EBF1: variants seen among roughly 807,000 people sequenced by gnomAD.
EBF1 encodes the protein transcription factor COE1.
A neutral mutation model predicts 68.4 loss-of-function variants in EBF1; 10 were observed. The ratio of observed to expected loss-of-function variants is 0.15; its 90% CI spans 0.09 to 0.25. The LOEUF (loss-of-function observed/expected upper bound fraction) is 0.25, where lower values mean the gene tolerates loss of function less well. EBF1 is among the 10% of genes least tolerant of loss of function. The pLI, the probability that EBF1 is intolerant of heterozygous loss-of-function variation, is 1.00. For synonymous variants in EBF1, 298 were observed against 299.8 expected (o/e 0.99, Z 0.06); for missense variants, 509 against 794.4 (o/e 0.64, Z 4.32).
At chr5:158,735,131 A>G (rs986237645) in intron 10 of EBF1, among the ~76,000 whole-genome samples, 5 of 152,178 alleles carry the variant, frequency 3.3e-5, no homozygotes, top group African/African-American at 1.2e-4. Context: ...ACAACATCAT[A>G]AGCCCTTTAA....
chr5:158,770,585 C>T (rs1773666145), intron 10 of EBF1, among the ~76,000 whole-genome samples: 1 of 152,100 alleles, frequency 6.6e-6, no homozygotes, highest in Non-Finnish European at 1.5e-5. Context: ...TCACAGTTCT[C>T]CTCCTCCCTC....
intron 6 of EBF1, among the ~76,000 whole-genome samples, chr5:159,038,568 A>G (rs1770565156): frequency 6.6e-6 from 1 of 152,196 alleles, no homozygotes; most frequent in African/African-American, 2.4e-5. Context: ...AAGCAAACAC[A>G]CATTAACTTA....
chr5:159,091,760 G>C (rs7442845), intron 4 of EBF1, among the ~76,000 whole-genome samples: 48,292 of 151,922 alleles, frequency 0.32, 7,968 homozygotes, highest in African/African-American at 0.36. Flanking sequence ...AGTCTAGCTG[G>C]GAAGAGAAAC....
intron 6 of EBF1, among the ~76,000 whole-genome samples, chr5:158,909,196 A>G (rs1435970079): frequency 6.6e-6 from 1 of 152,222 alleles, no homozygotes; most frequent in Non-Finnish European, 1.5e-5. Flanking sequence ...AGGTGTTACA[A>G]ACTGCACTGA....
At chr5:158,997,954 C>T (rs1391566429) in intron 6 of EBF1, among the ~76,000 whole-genome samples, 1 of 152,180 alleles carries the variant, frequency 6.6e-6, no homozygotes, top group Non-Finnish European at 1.5e-5. Flanking sequence ...GTTCTCTCTA[C>T]TGTAAATGGC....
At chr5:158,859,399 G>A (rs533823899) in intron 6 of EBF1, among the ~76,000 whole-genome samples, 7 of 152,188 alleles carry the variant, frequency 4.6e-5, no homozygotes, top group South Asian at 2.1e-4. Flanking sequence ...TTTCCCATTC[G>A]GAGTTGATAT....
chr5:158,965,828 T>C (rs1334630568), intron 6 of EBF1, among the ~76,000 whole-genome samples: 1 of 152,230 alleles, frequency 6.6e-6, no homozygotes, highest in East Asian at 1.9e-4. Flanking sequence ...GTAACGTCCT[T>C]TAAGAAGATC....
At chr5:158,924,463 C>T (rs1331248439) in intron 6 of EBF1, among the ~76,000 whole-genome samples, 1 of 152,176 alleles carries the variant, frequency 6.6e-6, no homozygotes, top group Non-Finnish European at 1.5e-5. Context: ...GAGGGCAAAT[C>T]CTTCTCTCCC....
At chr5:159,076,207 G>A (rs193182473) in intron 5 of EBF1, among the ~76,000 whole-genome samples, 2 of 152,232 alleles carry the variant, frequency 1.3e-5, no homozygotes, top group East Asian at 3.9e-4. Flanking sequence ...GTGGCATAAG[G>A]CCTGGGGTAG....
chr5:158,842,199 C>T (rs556980481), intron 6 of EBF1, among the ~76,000 whole-genome samples: 1 of 152,314 alleles, frequency 6.6e-6, no homozygotes, highest in African/African-American at 2.4e-5. Flanking sequence ...TCCTAAGTGC[C>T]TTTGCACTGT....
chr5:159,096,953 G>A (rs1584598808), intron 2 of EBF1, 21 bp downstream of exon 2: 3 of 1,611,680 alleles, frequency 1.9e-6, no homozygotes, highest in South Asian at 1.1e-5. Context: ...GACGAGGGGC[G>A]ACAGCGCTGC....
intron 8 of EBF1, among the ~76,000 whole-genome samples, chr5:158,806,882 T>C (rs563065173): frequency 2.8e-4 from 42 of 152,260 alleles, no homozygotes; most frequent in African/African-American, 9.9e-4. Flanking sequence ...GACTGGATGT[T>C]TGATCCCATT....
chr5:158,761,271 A>G (rs1771382257), intron 10 of EBF1, among the ~76,000 whole-genome samples: 1 of 152,232 alleles, frequency 6.6e-6, no homozygotes, highest in Admixed American at 6.5e-5. Flanking sequence ...CTAAGTGTTT[A>G]AAACATCAGC....
At chr5:158,978,419 T>A (rs1339668224) in intron 6 of EBF1, among the ~76,000 whole-genome samples, 1 of 152,220 alleles carries the variant, frequency 6.6e-6, no homozygotes, top group African/African-American at 2.4e-5. Context: ...TATTTATTTA[T>A]TTTTTTGGAT....
chr5:158,831,933 C>A (rs930428559), intron 7 of EBF1, among the ~76,000 whole-genome samples: 1 of 152,082 alleles, frequency 6.6e-6, no homozygotes, highest in African/African-American at 2.4e-5. Flanking sequence ...TGAAGGAAGG[C>A]CAATGTGCTT....
intron 6 of EBF1, among the ~76,000 whole-genome samples, chr5:158,910,194 G>T (rs1438504728): frequency 1.3e-5 from 2 of 152,116 alleles, no homozygotes; most frequent in Non-Finnish European, 2.9e-5. Context: ...GGTCCTCAGT[G>T]TCCCAATCTG....
At chr5:158,957,165 A>G (rs1014704372) in intron 6 of EBF1, among the ~76,000 whole-genome samples, 2 of 152,202 alleles carry the variant, frequency 1.3e-5, no homozygotes, top group African/African-American at 4.8e-5. Flanking sequence ...TGAGATAGAC[A>G]TTATTATCCC....
At chr5:158,811,858 C>T (rs1056500476) in intron 8 of EBF1, among the ~76,000 whole-genome samples, 8 of 152,214 alleles carry the variant, frequency 5.3e-5, no homozygotes, top group African/African-American at 1.7e-4. Flanking sequence ...CCTACAGCTT[C>T]TAATGTTTTA....
chr5:158,712,290 C>A lies in EBF1; in HGVS notation c.1413G>T (p.Val471=). 1 of 1,614,032 alleles carries A rather than the reference C, an allele frequency of 6.2e-7. No homozygotes were observed. Residue 471 remains valine, a synonymous_variant, in exon 14 of 16, where the codon GTG becomes GTT. Transcript: ENST00000313708. ...NSSSVSPHGY[V]PSTTPQQTNY... is the part of the protein sequence containing the mutation. ...TGGTCTGCTGGGGAGTGGTGCTCGGCACGTACCCGTGTGGTGATACGCTGC... is the reference window on the plus strand; with the variant it reads ...TGGTCTGCTGGGGAGTGGTGCTCGGAACGTACCCGTGTGGTGATACGCTGC...
Sources: allele counts gnomAD v4.1 joint callset (sites outside exome capture counted in the v4.1 genomes callset), GRCh38; gene constraint gnomAD v4.1.1; transcripts MANE v1.5; gene names NCBI Gene and HGNC (gene_info 2026-07-23, HGNC 2026-07-21).